ALCAM: variants seen among roughly 807,000 people sequenced by gnomAD.
ALCAM encodes CD166 antigen.
A neutral mutation model predicts 70.9 loss-of-function variants in ALCAM; 30 were observed. The ratio of observed to expected loss-of-function variants is 0.42; its 90% CI spans 0.32 to 0.57. ALCAM has a LOEUF of 0.57. Ranked by LOEUF, ALCAM falls within the 20% of genes least tolerant of loss-of-function variation. The probability of loss-of-function intolerance (pLI) is 0.11; values close to 1 mark genes in which losing one functional copy is unlikely to be tolerated. For synonymous variants in ALCAM, 249 were observed against 242.5 expected (o/e 1.03, Z -0.25); for missense variants, 591 against 695.1 (o/e 0.85, Z 1.68).
At chr3:105,459,969 G>T (rs533894190) in intron 1 of ALCAM, among the ~76,000 whole-genome samples, 1 of 151,916 alleles carries the variant, frequency 6.6e-6, no homozygotes, top group Non-Finnish European at 1.5e-5. Flanking sequence ...AAATAAATTG[G>T]ATTTTTTGAT....
Position 105,515,677 on chromosome 3 carries a change from G to A in ALCAM, c.74-4390G>A, listed in dbSNP as rs1269351968. On this transcript the variant is annotated intron_variant, in intron 1 of 15. Transcript: ENST00000306107. ...TGCTAAACATCCTGTAATATACACA[G>A]CAAAGCACTCTCACGATAAAGACTT... 3.3e-5 allele frequency among the ~76,000 whole-genome samples: 5 copies of A among 151,964 alleles called. No individual in the cohort carries two copies. In the East Asian group the frequency reaches 9.6e-4, roughly 29 times the overall value.
chr3:105,474,595 GA>G (rs141419596), intron 1 of ALCAM, among the ~76,000 whole-genome samples: 6 of 145,804 alleles, frequency 4.1e-5, no homozygotes, highest in East Asian at 2.0e-4. Context: ...CTTTTCTTGC[GA>G]AAAAAAAAGA....
rs191263983 is a variant in ALCAM, at chr3:105,529,008, C to T, written c.395-2994C>T. Among the ~76,000 whole-genome samples the T allele has an allele frequency of 1.8e-3, 275 of 152,298 alleles. 2 individuals carry two copies. Among genetic ancestry groups the T allele is most frequent in the African/African-American group, 6.1e-3 (252 of 41,562 alleles). On this transcript the variant is annotated intron_variant, in intron 3 of 15. Transcript: ENST00000306107. ...TCTCCAACACACACATGCGTGCACACGCACACACACACACACCTTGTAAAA... is the reference window on the plus strand; with the variant it reads ...TCTCCAACACACACATGCGTGCACATGCACACACACACACACCTTGTAAAA...
intron 1 of ALCAM, among the ~76,000 whole-genome samples, chr3:105,487,153 A>T (rs1429929314): frequency 2.5e-5 from 3 of 119,592 alleles, no homozygotes; most frequent in South Asian, 3.1e-4. Flanking sequence ...ACTATTTTTT[A>T]AAAAAACTAA....
chr3:105,438,169 T>G (rs1487363543), intron 1 of ALCAM, among the ~76,000 whole-genome samples: 1 of 152,092 alleles, frequency 6.6e-6, no homozygotes, highest in Non-Finnish European at 1.5e-5. Context: ...CTTCTGCTAC[T>G]GGGTATGATG....
chr3:105,388,457 C>T (rs1935715073), intron 1 of ALCAM, among the ~76,000 whole-genome samples: 1 of 151,534 alleles, frequency 6.6e-6, no homozygotes, highest in African/African-American at 2.4e-5. Context: ...TAGAGTATTA[C>T]AAAATGTTAT....
intron 1 of ALCAM, among the ~76,000 whole-genome samples, chr3:105,480,839 T>C (rs1036418050): frequency 6.6e-6 from 1 of 152,190 alleles, no homozygotes; most frequent in African/African-American, 2.4e-5. Context: ...TAAGTACTAT[T>C]GTTTGTTTTC....
intron 14 of ALCAM, among the ~76,000 whole-genome samples, chr3:105,561,718 G>A (rs1206222210): frequency 2.0e-5 from 3 of 151,958 alleles, no homozygotes; most frequent in African/African-American, 7.3e-5. Flanking sequence ...ATAATTCACT[G>A]GAAAGATTCA....
At chr3:105,504,549 C>T (rs887465669) in intron 1 of ALCAM, among the ~76,000 whole-genome samples, 89 of 75,152 alleles carry the variant, frequency 1.2e-3, no homozygotes, top group Non-Finnish European at 2.3e-3. Context: ...CCCCCGCCAA[C>T]TCCGCGTCTG....
At chr3:105,481,924 A>T (rs569968463) in intron 1 of ALCAM, among the ~76,000 whole-genome samples, 1 of 152,164 alleles carries the variant, frequency 6.6e-6, no homozygotes, top group African/African-American at 2.4e-5. Flanking sequence ...AATTACATTT[A>T]TTCGCTTTTT....
chr3:105,557,536 A>G (rs747459985), intron 14 of ALCAM, among the ~76,000 whole-genome samples: 1 of 152,144 alleles, frequency 6.6e-6, no homozygotes, highest in Non-Finnish European at 1.5e-5. Context: ...TTTTTTTAAA[A>G]AAGATCACAC....
intron 1 of ALCAM, among the ~76,000 whole-genome samples, chr3:105,484,670 G>C (rs1366106961): frequency 1.3e-5 from 2 of 152,040 alleles, no homozygotes; most frequent in African/African-American, 2.4e-5. Flanking sequence ...TAATACGAGG[G>C]TCAGGCCAAT....
intron 1 of ALCAM, among the ~76,000 whole-genome samples, chr3:105,507,155 C>CCTAT (rs1389023696): frequency 2.0e-5 from 3 of 152,068 alleles, no homozygotes; most frequent in Non-Finnish European, 4.4e-5. Flanking sequence ...GTAAAGAGCT[C>CCTAT]CTATATAGGC....
chr3:105,370,502 C>G (rs1037061888), intron 1 of ALCAM, among the ~76,000 whole-genome samples: 4 of 152,090 alleles, frequency 2.6e-5, no homozygotes, highest in African/African-American at 9.7e-5. Context: ...TGAAATGTCT[C>G]CCAGCTCAAA....
intron 1 of ALCAM, among the ~76,000 whole-genome samples, chr3:105,507,112 T>C (rs910082455): frequency 6.6e-6 from 1 of 152,194 alleles, no homozygotes; most frequent in African/African-American, 2.4e-5. Flanking sequence ...TATTTTTATC[T>C]GTTCTTAGTT....
At chr3:105,521,547 C>T (rs1939545669) in intron 2 of ALCAM, among the ~76,000 whole-genome samples, 1 of 152,100 alleles carries the variant, frequency 6.6e-6, no homozygotes, top group Non-Finnish European at 1.5e-5. Flanking sequence ...AATATAGGTT[C>T]TGAAATCAAC....
At chr3:105,406,818 C>G (rs768457685) in intron 1 of ALCAM, among the ~76,000 whole-genome samples, 8 of 150,910 alleles carry the variant, frequency 5.3e-5, no homozygotes, top group Non-Finnish European at 1.0e-4. Flanking sequence ...CAAGATTAAC[C>G]AAGAAAAGGA....
Position 105,540,114 on chromosome 3 carries a change from A to T in ALCAM, c.858+12A>T. ...TGTTTTACTTACCAGTAAGTGCTTA[A>T]GTATTACTTCAGTTGGATGACTATC... On this transcript the variant is annotated intron_variant, in intron 7 of 15. Transcript: ENST00000306107. The T allele has an allele frequency of 6.2e-7, 1 of 1,608,822 alleles. No individual in the cohort carries two copies. The highest frequency in any genetic ancestry group is 8.5e-7 in the Non-Finnish European group (1 of 1,176,184).
intron 6 of ALCAM, among the ~76,000 whole-genome samples, chr3:105,539,120 T>A (rs972537278): frequency 1.3e-5 from 2 of 152,148 alleles, no homozygotes; most frequent in African/African-American, 4.8e-5. Flanking sequence ...GAAAACATTC[T>A]ATAAAACATA....
Sources: allele counts gnomAD v4.1 joint callset (sites outside exome capture counted in the v4.1 genomes callset), GRCh38; gene constraint gnomAD v4.1.1; transcripts MANE v1.5; gene names NCBI Gene and HGNC (gene_info 2026-07-23, HGNC 2026-07-21).